Variants in PTPRG observed in about 807,000 individuals in gnomAD.
The protein encoded by PTPRG is protein tyrosine phosphatase receptor type G.
Under a neutral mutation model 165.3 loss-of-function variants are expected in PTPRG, and 102 were observed. The ratio of observed to expected loss-of-function variants is 0.62; its 90% CI spans 0.53 to 0.73. The LOEUF is 0.73. PTPRG is among the 30% of genes least tolerant of loss of function. PTPRG has a pLI of 0.00. For missense variants in PTPRG, 1,866 were observed against 1,861.4 expected (o/e 1.00, Z -0.05); for synonymous variants, 675 against 669.5 (o/e 1.01, Z -0.13).
chr3:61,875,673 G>A (rs958776193), intron 2 of PTPRG, among the ~76,000 whole-genome samples: 5 of 151,826 alleles, frequency 3.3e-5, no homozygotes, highest in African/African-American at 7.3e-5. Flanking sequence ...CACACACACA[G>A]CACACACTTT....
At chr3:61,922,675 C>A (rs566777704) in intron 2 of PTPRG, among the ~76,000 whole-genome samples, 23 of 152,340 alleles carry the variant, frequency 1.5e-4, no homozygotes, top group African/African-American at 4.8e-4. Context: ...GGCTCTTACT[C>A]TGTGGCCCAG....
At chr3:61,913,338 G>C (rs1224488377) in intron 2 of PTPRG, among the ~76,000 whole-genome samples, 1 of 152,102 alleles carries the variant, frequency 6.6e-6, no homozygotes, top group East Asian at 1.9e-4. Context: ...TCCTGCCTCA[G>C]CCTCCCGAGT....
intron 2 of PTPRG, among the ~76,000 whole-genome samples, chr3:61,940,056 C>T (rs2039581278): frequency 6.8e-6 from 1 of 147,770 alleles, no homozygotes; most frequent in Non-Finnish European, 1.5e-5. Context: ...AAGCAATTCT[C>T]CTGCCTCAGC....
At chr3:61,898,704 T>TGC (rs2038425187) in intron 2 of PTPRG, among the ~76,000 whole-genome samples, 3 of 152,336 alleles carry the variant, frequency 2.0e-5, no homozygotes, top group Admixed American at 6.5e-5. Context: ...GGCAAAGGTC[T>TGC]TTAAATGGAA....
chr3:62,281,286 A>C (rs1296711954), intron 26 of PTPRG, among the ~76,000 whole-genome samples: 3 of 152,046 alleles, frequency 2.0e-5, no homozygotes, highest in Non-Finnish European at 2.9e-5. Flanking sequence ...ATATTACAGA[A>C]TACTTCTCAA....
chr3:61,743,098 G>C (rs1482425814), intron 1 of PTPRG: 7 of 1,503,046 alleles, frequency 4.7e-6, no homozygotes, highest in Non-Finnish European at 6.5e-6. Context: ...GCGAGAGACT[G>C]CTGCTCATGG....
chr3:61,586,590 T>G (rs554033434), intron 1 of PTPRG, among the ~76,000 whole-genome samples: 2 of 152,322 alleles, frequency 1.3e-5, no homozygotes, highest in African/African-American at 4.8e-5. Flanking sequence ...AGTTGCTACT[T>G]TTGAGAGCCT....
intron 7 of PTPRG, among the ~76,000 whole-genome samples, chr3:62,165,347 A>G (rs972952145): frequency 1.1e-4 from 16 of 152,186 alleles, no homozygotes; most frequent in Admixed American, 9.8e-4. Context: ...CTGCTCTCAC[A>G]TTTGATGCAT....
At chr3:62,057,679 A>T (rs917409816) in intron 4 of PTPRG, among the ~76,000 whole-genome samples, 1 of 152,188 alleles carries the variant, frequency 6.6e-6, no homozygotes, top group Non-Finnish European at 1.5e-5. Flanking sequence ...AACAGTGCTG[A>T]TGTATGGGAG....
chr3:61,864,227 C>G (rs1372116124), intron 2 of PTPRG, among the ~76,000 whole-genome samples: 2 of 152,132 alleles, frequency 1.3e-5, no homozygotes, highest in Admixed American at 6.5e-5. Flanking sequence ...TAAGAATTCT[C>G]CCTGCTGTAT....
chr3:62,056,235 A>T (rs1166770244), intron 4 of PTPRG, among the ~76,000 whole-genome samples: 2 of 152,226 alleles, frequency 1.3e-5, no homozygotes, highest in African/African-American at 4.8e-5. Flanking sequence ...ATGGAATTGT[A>T]GATGTTTGCT....
rs765533974 is a variant in PTPRG at position 62,273,747 on chromosome 3, A to C, written c.3368A>C (p.Lys1123Thr). Residue 1123 changes from lysine to threonine, a missense_variant, in exon 23 of 30, where the codon AAG (lysine) becomes ACG (threonine). Physicochemically the swap from Lys to Thr is moderately conservative, Grantham distance 78. Around this residue, in one of 3 missense-constraint regions of PTPRG, gnomAD observed 1,452 missense variants for 1,463.0 expected, o/e 0.99. Transcript: ENST00000474889. The surrounding 1 kb of genome is among the most constrained non-coding windows in gnomAD (Gnocchi z 4.1). ...HDALLEAILG[K>T]ETEVSSNQLH... ...GCCTTGTTGGAAGCCATTCTTGGAA[A>C]GGAGACTGAAGTATCTTCAAATCAG... is the stretch of plus-strand genomic sequence containing the variant. The C allele has an allele frequency of 3.1e-6, 5 of 1,613,786 alleles. No individual in the cohort carries two copies. The highest frequency in any genetic ancestry group is 2.5e-6 in the Non-Finnish European group (3 of 1,179,720).
intron 5 of PTPRG, among the ~76,000 whole-genome samples, chr3:62,122,687 G>A (rs911601183): frequency 2.0e-5 from 3 of 152,164 alleles, no homozygotes; most frequent in Non-Finnish European, 1.5e-5. Flanking sequence ...GATTATCGAT[G>A]TTTATTTGCT....
intron 7 of PTPRG, among the ~76,000 whole-genome samples, chr3:62,158,305 A>G (rs1344914935): frequency 6.6e-6 from 1 of 152,190 alleles, no homozygotes; most frequent in Non-Finnish European, 1.5e-5. Flanking sequence ...AAAGTGTCAA[A>G]TTTCTTCTGC....
chr3:62,180,587 T>G (rs1705607048), intron 8 of PTPRG, among the ~76,000 whole-genome samples: 1 of 152,068 alleles, frequency 6.6e-6, no homozygotes, highest in Non-Finnish European at 1.5e-5. Context: ...ATCATAAAGT[T>G]GAAAGGGAGA....
chr3:61,780,247 A>G (rs763450306), intron 2 of PTPRG, among the ~76,000 whole-genome samples: 1 of 152,240 alleles, frequency 6.6e-6, no homozygotes, highest in Non-Finnish European at 1.5e-5. Context: ...GGTAATGACA[A>G]TCAGACTTTG....
intron 1 of PTPRG, among the ~76,000 whole-genome samples, chr3:61,612,528 G>T (rs1553640771): frequency 6.6e-6 from 1 of 152,172 alleles, no homozygotes; most frequent in Non-Finnish European, 1.5e-5. Context: ...TAGGTGCTGG[G>T]CACGAATTGC....
intron 1 of PTPRG, among the ~76,000 whole-genome samples, chr3:61,605,446 G>T (rs1700975869): frequency 6.6e-6 from 1 of 151,656 alleles, no homozygotes; most frequent in South Asian, 2.1e-4. Context: ...AATAGAGACG[G>T]GGTTTTGCCA....
rs774168781 is a variant in PTPRG at position 62,293,340 on chromosome 3, C to T, written c.*33C>T. On this transcript the variant is annotated 3_prime_UTR_variant, in exon 30 of 30. Transcript: ENST00000474889. ...CCTGAAAGGGCACTTAATTTGTAAA[C>T]TTCTGAAGACTGAGAACTTTTTTGA... 2.0e-6 allele frequency: 3 copies of T among 1,493,442 alleles called. No homozygotes were observed. In the East Asian group the frequency reaches 7.1e-5, roughly 36 times the overall value. The allele number at this position is 1,493,442 out of a possible 1,614,324, so 92.5% of individuals were successfully genotyped here.
Sources: allele counts gnomAD v4.1 joint callset (sites outside exome capture counted in the v4.1 genomes callset), GRCh38; gene constraint gnomAD v4.1.1; regional missense constraint gnomAD v4.1.1; non-coding constraint Gnocchi (gnomAD v3.1); transcripts MANE v1.5; gene names NCBI Gene and HGNC (gene_info 2026-07-23, HGNC 2026-07-21).